The following TSPAN5 variants were observed in gnomAD, a reference collection of about 807,000 sequenced individuals.
TSPAN5 encodes the protein tetraspanin 5.
In TSPAN5, 10 loss-of-function variants were observed where a neutral mutation model predicts 37.1. That is an observed-to-expected ratio of 0.27 (90% CI 0.17 to 0.46). TSPAN5 has a LOEUF of 0.46. Among genes scored for constraint, TSPAN5 ranks in the 20% least tolerant of loss-of-function variants. TSPAN5 has a pLI of 1.00. For missense variants in TSPAN5, 195 were observed against 326.6 expected (o/e 0.60, Z 3.11); for synonymous variants, 110 against 118.9 (o/e 0.93, Z 0.48).
At chr4:98,481,488 A>G (rs1370286028) in intron 4 of TSPAN5, among the ~76,000 whole-genome samples, 1 of 152,192 alleles carries the variant, frequency 6.6e-6, no homozygotes, top group African/African-American at 2.4e-5. Context: ...GTTAGAAGCC[A>G]CTAGGACTTA....
intron 1 of TSPAN5, among the ~76,000 whole-genome samples, chr4:98,624,483 A>T (rs556262548): frequency 5.9e-5 from 9 of 152,190 alleles, no homozygotes; most frequent in Non-Finnish European, 1.2e-4. Flanking sequence ...GCTCCATAAG[A>T]AGTTACTTGA....
At chr4:98,652,691 T>C (rs1007804892) in intron 1 of TSPAN5, among the ~76,000 whole-genome samples, 1 of 152,202 alleles carries the variant, frequency 6.6e-6, no homozygotes, top group South Asian at 2.1e-4. Context: ...GTCACAAAGA[T>C]ATAATATTCT....
At chr4:98,489,342 A>C (rs1753037474) in intron 2 of TSPAN5, among the ~76,000 whole-genome samples, 1 of 152,172 alleles carries the variant, frequency 6.6e-6, no homozygotes, top group East Asian at 1.9e-4. Context: ...AGGCTCACTA[A>C]AATACAAATT....
intron 1 of TSPAN5, among the ~76,000 whole-genome samples, chr4:98,571,517 A>G (rs1755119517): frequency 1.3e-5 from 2 of 150,908 alleles, no homozygotes; most frequent in African/African-American, 4.9e-5. Context: ...TAAAAGCACT[A>G]CTAAACTGAT....
rs151026227 is a variant in TSPAN5, at chr4:98,475,764, C to T, written c.741+425G>A. On this transcript the variant is annotated intron_variant, in intron 7 of 7. Transcript: ENST00000305798. ...CAGCACTTTGGGAGGCCGAGATGGG[C>T]GGATCACGAGGTCAGGAGATCGAGA... 3.6e-3 allele frequency among the ~76,000 whole-genome samples: 552 copies of T among 152,152 alleles called. 4 individuals carry two copies. Among genetic ancestry groups the T allele is most frequent in the African/African-American group, 0.012 (508 of 41,512 alleles).
At chr4:98,474,380 A>C (rs1752650618) in intron 7 of TSPAN5, among the ~76,000 whole-genome samples, 1 of 151,922 alleles carries the variant, frequency 6.6e-6, no homozygotes, top group Non-Finnish European at 1.5e-5. Context: ...TTGAGATAGG[A>C]TCTTGCTCTG....
intron 1 of TSPAN5, among the ~76,000 whole-genome samples, chr4:98,644,946 C>T (rs542266565): frequency 6.6e-6 from 1 of 152,288 alleles, no homozygotes; most frequent in South Asian, 2.1e-4. Flanking sequence ...AGCATTTTAC[C>T]TCTAGGGATC....
chr4:98,582,442 C>T (rs1755390742), intron 1 of TSPAN5, among the ~76,000 whole-genome samples: 1 of 152,236 alleles, frequency 6.6e-6, no homozygotes, highest in African/African-American at 2.4e-5. Flanking sequence ...ACGCCCATGA[C>T]ATGTGCACTA....
At chr4:98,558,144 T>C (rs1477616593) in intron 1 of TSPAN5, among the ~76,000 whole-genome samples, 1 of 148,450 alleles carries the variant, frequency 6.7e-6, no homozygotes, top group Non-Finnish European at 1.5e-5. Flanking sequence ...AAATACTTGT[T>C]CCCCGGTGAC....
intron 1 of TSPAN5, among the ~76,000 whole-genome samples, chr4:98,626,886 G>GTTTTTTTTT (rs34770397): frequency 1.2e-5 from 1 of 83,480 alleles, no homozygotes; most frequent in African/African-American, 5.0e-5. Flanking sequence ...ATGAGAGCAG[G>GTTTTTTTTT]TTTTTTTTTT....
intron 1 of TSPAN5, chr4:98,657,694 C>G: frequency 4.3e-6 from 1 of 234,428 alleles, no homozygotes. Context: ...CGCGGCAACA[C>G]GGAGCCAAGC....
intron 1 of TSPAN5, among the ~76,000 whole-genome samples, chr4:98,527,740 T>C (rs1251854484): frequency 6.6e-6 from 1 of 152,178 alleles, no homozygotes. Flanking sequence ...GTGTAATCTA[T>C]GAAGTGCACA....
At position 98,599,507 on chromosome 4, in the gene TSPAN5, C is replaced by A. The variant is rs79829090; in HGVS notation, c.81+58639G>T. On this transcript the variant is annotated intron_variant, in intron 1 of 7. Transcript: ENST00000305798. ...TGCATTACCATTAAGTGTGTTTTGA[C>A]AAATGCATCCAACCATGTAACCATC... Among the ~76,000 whole-genome samples the A allele has an allele frequency of 4.5e-3, 690 of 152,274 alleles. 7 individuals carry two copies. The highest frequency in any genetic ancestry group is 0.016 in the African/African-American group (666 of 41,550).
intron 1 of TSPAN5, among the ~76,000 whole-genome samples, chr4:98,586,462 A>G (rs1755486926): frequency 6.6e-6 from 1 of 152,212 alleles, no homozygotes; most frequent in Non-Finnish European, 1.5e-5. Context: ...TTAAAAAAAA[A>G]GAAGGCACAA....
chr4:98,535,476 A>T (rs1180542475), intron 1 of TSPAN5, among the ~76,000 whole-genome samples: 2 of 151,896 alleles, frequency 1.3e-5, no homozygotes, highest in Non-Finnish European at 2.9e-5. Context: ...TTTTTCCTTC[A>T]TTTCAACCTT....
At chr4:98,507,750 G>A (rs775198863) in intron 1 of TSPAN5, 22 bp from the exon 2 acceptor site, 26 of 1,579,318 alleles carry the variant, frequency 1.6e-5, no homozygotes, top group Non-Finnish European at 1.6e-5. Context: ...AGAAAGCAGT[G>A]TAAATATAAG....
At chr4:98,540,423 C>T (rs1376935232) in intron 1 of TSPAN5, among the ~76,000 whole-genome samples, 5 of 152,038 alleles carry the variant, frequency 3.3e-5, no homozygotes, top group Admixed American at 1.3e-4. Flanking sequence ...CTGCAACCTC[C>T]GCCTCCCAGG....
chr4:98,619,581 C>A (rs1256962899), intron 1 of TSPAN5, among the ~76,000 whole-genome samples: 1 of 152,138 alleles, frequency 6.6e-6, no homozygotes, highest in Non-Finnish European at 1.5e-5. Flanking sequence ...CTGTAGTGAG[C>A]AAAATAAGCT....
Position 98,530,476 on chromosome 4 carries a change from T to C in TSPAN5, c.82-22748A>G, listed in dbSNP as rs561470525. On this transcript the variant is annotated intron_variant, in intron 1 of 7. Coordinates refer to ENST00000305798, the MANE Select transcript of TSPAN5 (RefSeq NM_005723.4). Reference sequence around the variant, plus strand: ...AGGCCAGGGCTCCCTGAAGCCACAGTGGAAAAGCCACAGCCGTTTCCACTT... The same window carrying C: ...AGGCCAGGGCTCCCTGAAGCCACAGCGGAAAAGCCACAGCCGTTTCCACTT... 3.9e-5 allele frequency among the ~76,000 whole-genome samples: 6 copies of C among 152,032 alleles called. No individual in the cohort carries two copies. The East Asian group carries it at 9.7e-4, about 25-fold the overall frequency.
Sources: gnomAD v4.1 joint callset for allele counts (sites outside exome capture counted in the v4.1 genomes callset) on GRCh38, gnomAD v4.1.1 for gene constraint, MANE v1.5 for transcripts, NCBI Gene and HGNC (gene_info 2026-07-23, HGNC 2026-07-21) for gene names.